Variants in MTAP observed in about 807,000 individuals in gnomAD.
MTAP encodes S-methyl-5'-thioadenosine phosphorylase.
A neutral mutation model predicts 33.6 loss-of-function variants in MTAP; 33 were observed. The ratio of observed to expected loss-of-function variants is 0.98; its 90% confidence interval spans 0.74 to 1.31. The LOEUF is 1.31. Among genes scored for constraint, MTAP ranks in the 40% most tolerant of loss-of-function variants. The probability of loss-of-function intolerance (pLI) is 0.00; values close to 1 mark genes in which losing one functional copy is unlikely to be tolerated. For synonymous variants in MTAP, 148 were observed against 125.7 expected, an observed-to-expected ratio of 1.18 and a Z score of -1.19; for missense variants, 367 against 360.0, an observed-to-expected ratio of 1.02 and a Z score of -0.16.
intron 1 of MTAP, among the ~76,000 whole-genome samples, chr9:21,879,987 T>C (rs1817979768): frequency 6.6e-6 from 1 of 152,140 alleles, no homozygotes; most frequent in South Asian, 2.1e-4. Flanking sequence ...ATTTCAGTCA[T>C]GGAAAATCTA....
At chr9:21,914,685 T>C (rs10124757) in intron 1 of MTAP, among the ~76,000 whole-genome samples, 127,172 of 150,964 alleles carry the variant, frequency 0.84, 53,936 homozygotes, top group African/African-American at 0.94. Context: ...ATGTAAATGA[T>C]GAGTTAATGG....
chr9:21,834,045 T>C (rs1010114128), intron 4 of MTAP, among the ~76,000 whole-genome samples: 37 of 152,236 alleles, frequency 2.4e-4, no homozygotes, highest in African/African-American at 8.2e-4. Context: ...ATATCCCTGC[T>C]TGACAACCTT....
intron 5 of MTAP, among the ~76,000 whole-genome samples, chr9:21,843,465 G>C (rs185551419): frequency 2.0e-3 from 309 of 152,202 alleles, no homozygotes; most frequent in African/African-American, 7.3e-3. Context: ...CTTTTCATCA[G>C]CACATGGAAC....
rs566558433 is a variant in MTAP, at chr9:21,910,967, C to A, written c.148-20041C>A. 5.3e-5 allele frequency among the ~76,000 whole-genome samples: 8 copies of A among 152,228 alleles called. No homozygotes were observed. In the East Asian group the frequency reaches 1.5e-3, roughly 29 times the overall value. On this transcript the variant is annotated intron_variant, in intron 1 of 1. Transcript: ENST00000577563. Reference sequence around the variant, plus strand: ...CAACCAAATGGAAAACAAAAAAAGGCAGGGGTTGCAATCCTAGTCTCTCAT... The same window carrying A: ...CAACCAAATGGAAAACAAAAAAAGGAAGGGGTTGCAATCCTAGTCTCTCAT...
chr9:21,815,113 T>G (rs1824443664), intron 1 of MTAP, among the ~76,000 whole-genome samples: 1 of 152,220 alleles, frequency 6.6e-6, no homozygotes. Flanking sequence ...TAGGTTTGAT[T>G]TTCTACCTTG....
At chr9:21,935,972 A>G (rs947402242), downstream of MTAP, 3 of 152,254 alleles carry the variant, frequency 2.0e-5, no homozygotes, top group East Asian at 3.8e-4. Context: ...AGTGCAAAGT[A>G]TAATCAATTT....
chr9:21,913,127 A>T (rs1164146565), intron 1 of MTAP, among the ~76,000 whole-genome samples: 1 of 152,234 alleles, frequency 6.6e-6, no homozygotes, highest in Non-Finnish European at 1.5e-5. Context: ...ACGAAATAAA[A>T]GAGGACACAA....
rs1468441590 is a variant in MTAP at position 21,838,158 on chromosome 9, C to T, written c.450+148C>T. On this transcript the variant is annotated intron_variant, in intron 5 of 7. Coordinates refer to ENST00000644715, the MANE Select transcript of MTAP (RefSeq NM_002451.4). ...GCAAAGTTTTATGAAGAGTTATTTC[C>T]TGTTGCTAATAATTTCCTGTTCCTC... 3 of 629,146 alleles carry T rather than the reference C, an allele frequency of 4.8e-6. No homozygotes were observed. In the African/African-American group the frequency reaches 5.5e-5, roughly 12 times the overall value. The allele number at this position is 629,146 out of a possible 1,614,324, so 39.0% of individuals were successfully genotyped here.
At chr9:21,907,716 A>G (rs1818497982) in intron 1 of MTAP, among the ~76,000 whole-genome samples, 1 of 152,108 alleles carries the variant, frequency 6.6e-6, no homozygotes, top group African/African-American at 2.4e-5. Context: ...GTCATAGAAA[A>G]TCTGAAAGAC....
In MTAP at chr9:21,851,585, A is replaced by C. The variant is rs560727450; in HGVS notation, c.451-3046A>C. On this transcript the variant is annotated intron_variant, in intron 5 of 7. Coordinates refer to ENST00000644715, the MANE Select transcript of MTAP (RefSeq NM_002451.4). ...TGTCTTTATTTGAAGATTATGTATG[A>C]TCTCAGGAGATGTGTATGGATTCAT... Among the ~76,000 whole-genome samples the C allele has an allele frequency of 3.3e-5, 5 of 152,282 alleles. No individual in the cohort carries two copies. The South Asian group carries it at 1.0e-3, about 32-fold the overall frequency.
At chr9:21,851,962 T>A (rs1043825683) in intron 5 of MTAP, among the ~76,000 whole-genome samples, 1 of 152,192 alleles carries the variant, frequency 6.6e-6, no homozygotes, top group Non-Finnish European at 1.5e-5. Context: ...TGGCCCATTG[T>A]GGGACCTTGT....
At chr9:21,856,734 G>A (rs767218034) in intron 6 of MTAP, among the ~76,000 whole-genome samples, 10 of 152,194 alleles carry the variant, frequency 6.6e-5, no homozygotes, top group Non-Finnish European at 1.5e-4. Context: ...AGTGTTAAAT[G>A]CTACAAGGAA....
In MTAP at chr9:21,824,977, C is replaced by T. The variant is rs539336761; in HGVS notation, c.347+6775C>T. ...GCACAGTATTAGGGTGGCAGTGACC[C>T]GATTTTCCAGGTGCCGTCTGTCACC... is the stretch of plus-strand genomic sequence containing the variant. On this transcript the variant is annotated intron_variant, in intron 4 of 7. Transcript: ENST00000644715. Among the ~76,000 whole-genome samples, 16 of 152,080 alleles carry T rather than the reference C, an allele frequency of 1.1e-4. No homozygotes were observed. In the South Asian group the frequency reaches 1.4e-3, roughly 14 times the overall value.
At chr9:21,803,425 G>T (rs911316952) in intron 1 of MTAP, 2 of 153,024 alleles carry the variant, frequency 1.3e-5, no homozygotes, top group Non-Finnish European at 2.9e-5. Flanking sequence ...ACAGGCGTCC[G>T]TTTTTAGGGC....
chr9:21,912,846 C>T (rs971468248), intron 1 of MTAP, among the ~76,000 whole-genome samples: 2 of 152,098 alleles, frequency 1.3e-5, no homozygotes, highest in African/African-American at 4.8e-5. Context: ...TCAAATTGTC[C>T]CTGTTTGCAG....
At chr9:21,834,165 C>G (rs147833050) in intron 4 of MTAP, among the ~76,000 whole-genome samples, 4 of 152,178 alleles carry the variant, frequency 2.6e-5, no homozygotes, top group African/African-American at 9.7e-5. Context: ...GTGACAAGTG[C>G]CAAGCACTTG....
At chr9:21,832,108 C>G (rs1350288206) in intron 4 of MTAP, among the ~76,000 whole-genome samples, 1 of 152,172 alleles carries the variant, frequency 6.6e-6, no homozygotes. Context: ...ATTTCTTCAA[C>G]TTATTTTCTT....
At chr9:21,823,922 G>A (rs879929784) in intron 4 of MTAP, among the ~76,000 whole-genome samples, 11 of 152,248 alleles carry the variant, frequency 7.2e-5, no homozygotes, top group African/African-American at 1.2e-4. Flanking sequence ...TTGTGCATTC[G>A]TCACGTAGTT....
chr9:21,833,123 CAG>C (rs1341713536), intron 4 of MTAP, among the ~76,000 whole-genome samples: 3 of 152,160 alleles, frequency 2.0e-5, no homozygotes, highest in Admixed American at 1.3e-4. Context: ...CACAAGCACT[CAG>C]GGGCACTCTT....
Sources: gnomAD v4.1 joint callset for allele counts (sites outside exome capture counted in the v4.1 genomes callset) on GRCh38, gnomAD v4.1.1 for gene constraint, MANE v1.5 for transcripts, NCBI Gene and HGNC (gene_info 2026-07-23, HGNC 2026-07-21) for gene names.